RORB: variants seen among roughly 807,000 people sequenced by gnomAD.
RORB encodes RAR related orphan receptor B.
In RORB, 6 loss-of-function variants were observed where a neutral mutation model predicts 59.1. The observed-to-expected ratio is 0.10, with a 90% CI of 0.06 to 0.20. The LOEUF is 0.20. RORB is among the 10% of genes least tolerant of loss of function. The probability of loss-of-function intolerance (pLI) is 1.00; values close to 1 mark genes in which losing one functional copy is unlikely to be tolerated. For missense variants in RORB, 320 were observed against 560.5 expected, an observed-to-expected ratio of 0.57 and a Z score of 4.33; for synonymous variants, 215 against 204.5, an observed-to-expected ratio of 1.05 and a Z score of -0.44.
Position 74,576,337 on chromosome 9 carries a change from G to A in RORB, c.8-53945G>A, listed in dbSNP as rs367826362. Among the ~76,000 whole-genome samples, 19 of 152,172 alleles carry A rather than the reference G, an allele frequency of 1.2e-4. No homozygotes were observed. In the South Asian group the frequency reaches 3.3e-3, roughly 27 times the overall value. On this transcript the variant is annotated intron_variant, in intron 1 of 9. Transcript: ENST00000376896. ...AACAGCTAATCACCATTAACTGGAC[G>A]AGCCTTGCAGGAATTCCCAGTTGTA...
At chr9:74,536,929 T>C (rs1826331127) in intron 1 of RORB, among the ~76,000 whole-genome samples, 1 of 152,006 alleles carries the variant, frequency 6.6e-6, no homozygotes, top group African/African-American at 2.4e-5. Flanking sequence ...GAGAATTCTC[T>C]CTTATATTAA....
rs147995576 is a variant in RORB at position 74,618,988 on chromosome 9, G to T, written c.8-11294G>T. ...ATATTAACATTTTTTGCACAAAAAG[G>T]TGGCAATTTCATATGATTCGACTTG... is the stretch of plus-strand genomic sequence containing the variant. On this transcript the variant is annotated intron_variant, in intron 1 of 9. Transcript: ENST00000376896. Among the ~76,000 whole-genome samples, 14 of 152,230 alleles carry T rather than the reference G, an allele frequency of 9.2e-5. No individual in the cohort carries two copies. The East Asian group carries it at 1.5e-3, about 17-fold the overall frequency.
intron 1 of RORB, among the ~76,000 whole-genome samples, chr9:74,539,973 A>G (rs929252187): frequency 6.6e-6 from 1 of 152,098 alleles, no homozygotes; most frequent in Non-Finnish European, 1.5e-5. Context: ...TGTCAAATTT[A>G]AAAGGGAAAA....
chr9:74,622,615 C>T (rs532758566), intron 1 of RORB, among the ~76,000 whole-genome samples: 34 of 150,742 alleles, frequency 2.3e-4, no homozygotes, highest in Non-Finnish European at 4.7e-4. Flanking sequence ...CAACCTCCAC[C>T]TCCCGAGTTC....
chr9:74,596,620 C>T (rs540553311), intron 1 of RORB, among the ~76,000 whole-genome samples: 1 of 152,092 alleles, frequency 6.6e-6, no homozygotes, highest in Non-Finnish European at 1.5e-5. Context: ...AAGAGAGTAT[C>T]CCTGGAGAAG....
Position 74,497,991 on chromosome 9 carries a change from A to T in RORB, c.7+8A>T. 6.2e-7 allele frequency: 1 copy of T among 1,610,614 alleles called. No homozygotes were observed. Among genetic ancestry groups the T allele is most frequent in the Non-Finnish European group, 8.5e-7 (1 of 1,179,552 alleles). ...GCGGCCACACCATGCGAGGTAAGCG[A>T]GTCTGCGGGCACCGAGGCTCCCCGA... On this transcript the variant is annotated splice_region_variant and intron_variant, in intron 1 of 9. Transcript: ENST00000376896.
Position 74,685,454 on chromosome 9 carries a change from G to T in RORB, c.1225-9G>T. 1.9e-6 allele frequency: 3 copies of T among 1,603,396 alleles called. No homozygotes were observed. The highest frequency in any genetic ancestry group is 2.6e-6 in the Non-Finnish European group (3 of 1,172,918). On this transcript the variant is annotated splice_polypyrimidine_tract_variant and intron_variant, in intron 9 of 9. Coordinates refer to ENST00000376896, the MANE Select transcript of RORB (RefSeq NM_006914.4). ...TCTCTATCTCCCTCTCTGTCTCTCC[G>T]TTCTGCAGTTAATAGCCAAGATACC...
At chr9:74,640,662 A>G (rs1823788404) in intron 3 of RORB, among the ~76,000 whole-genome samples, 2 of 152,092 alleles carry the variant, frequency 1.3e-5, no homozygotes, top group South Asian at 2.1e-4. Flanking sequence ...CACATCCACA[A>G]TCCAGCAGGC....
At chr9:74,514,627 A>G (rs1825983588) in intron 1 of RORB, among the ~76,000 whole-genome samples, 1 of 150,366 alleles carries the variant, frequency 6.7e-6, no homozygotes. Flanking sequence ...TAAGAGGATA[A>G]CAGTATACTT....
At chr9:74,637,905 T>C (rs1010400949) in intron 3 of RORB, among the ~76,000 whole-genome samples, 9 of 152,198 alleles carry the variant, frequency 5.9e-5, no homozygotes, top group Admixed American at 3.9e-4. Context: ...AGCTACCATA[T>C]TGGAAAGCAA....
At chr9:74,595,520 T>C (rs1466692020) in intron 1 of RORB, among the ~76,000 whole-genome samples, 1 of 152,242 alleles carries the variant, frequency 6.6e-6, no homozygotes, top group East Asian at 1.9e-4. Flanking sequence ...CATCAGACTT[T>C]ACTGTCTGCC....
chr9:74,606,700 A>C (rs890313768), intron 1 of RORB, among the ~76,000 whole-genome samples: 42 of 152,220 alleles, frequency 2.8e-4, no homozygotes, highest in African/African-American at 9.9e-4. Flanking sequence ...CAACTCTTTC[A>C]CTGGTTTTGG....
chr9:74,577,177 T>G (rs1297590846), intron 1 of RORB, among the ~76,000 whole-genome samples: 2 of 151,924 alleles, frequency 1.3e-5, no homozygotes, highest in East Asian at 1.9e-4. Context: ...TTTTGCTGGG[T>G]TTTTTTTCTC....
chr9:74,550,718 A>G (rs957133719), intron 1 of RORB, among the ~76,000 whole-genome samples: 1 of 152,188 alleles, frequency 6.6e-6, no homozygotes, highest in African/African-American at 2.4e-5. Context: ...TATGCTGGTA[A>G]TCATAAACAG....
At chr9:74,511,693 T>C (rs139691568) in intron 1 of RORB, among the ~76,000 whole-genome samples, 44 of 150,318 alleles carry the variant, frequency 2.9e-4, no homozygotes, top group African/African-American at 9.6e-4. Flanking sequence ...CTTTCACTCA[T>C]TGTGTTTTAG....
At chr9:74,654,402 T>C (rs1255986079) in intron 4 of RORB, among the ~76,000 whole-genome samples, 1 of 151,638 alleles carries the variant, frequency 6.6e-6, no homozygotes. Context: ...TCTAGGATTA[T>C]TTAGATACAG....
chr9:74,603,786 A>G (rs566767832), intron 1 of RORB, among the ~76,000 whole-genome samples: 1 of 152,218 alleles, frequency 6.6e-6, no homozygotes, highest in East Asian at 1.9e-4. Flanking sequence ...GGCTGACATA[A>G]CACATTGTAA....
At chr9:74,525,489 A>G (rs1433788270) in intron 1 of RORB, among the ~76,000 whole-genome samples, 30 of 151,978 alleles carry the variant, frequency 2.0e-4, no homozygotes, top group Admixed American at 1.9e-3. Flanking sequence ...TTATCTTTAT[A>G]CATAACTGAT....
chr9:74,553,535 A>G (rs145068214), intron 1 of RORB, among the ~76,000 whole-genome samples: 2 of 152,024 alleles, frequency 1.3e-5, no homozygotes, highest in African/African-American at 4.8e-5. Flanking sequence ...TAAGGGTAGT[A>G]TTCAACAGTG....
Sources: gnomAD v4.1 joint callset for allele counts (sites outside exome capture counted in the v4.1 genomes callset) on GRCh38, gnomAD v4.1.1 for gene constraint, MANE v1.5 for transcripts, NCBI Gene and HGNC (gene_info 2026-07-23, HGNC 2026-07-21) for gene names.